CTNNA3: variants seen among roughly 807,000 people sequenced by gnomAD.
CTNNA3 encodes the protein catenin alpha 3.
In CTNNA3, 76 loss-of-function variants were observed where a neutral mutation model predicts 95.7. The ratio of observed to expected loss-of-function variants is 0.79; its 90% CI spans 0.66 to 0.96. CTNNA3 has a LOEUF of 0.96. Among genes scored for constraint, CTNNA3 ranks in the 40% least tolerant of loss-of-function variants. The probability of loss-of-function intolerance (pLI) is 0.00; values close to 1 mark genes in which losing one functional copy is unlikely to be tolerated. For missense variants in CTNNA3, 1,191 were observed against 1,089.8 expected, an observed-to-expected ratio of 1.09 and a Z score of -1.31; for synonymous variants, 431 against 374.4, an observed-to-expected ratio of 1.15 and a Z score of -1.74.
At chr10:67,626,704 C>T (rs1450304946) in intron 2 of CTNNA3, among the ~76,000 whole-genome samples, 1 of 152,048 alleles carries the variant, frequency 6.6e-6, no homozygotes, top group Non-Finnish European at 1.5e-5. Context: ...AATCTCTACT[C>T]TTTTTTGCAT....
At chr10:67,406,859 C>A (rs1302562279) in intron 5 of CTNNA3, among the ~76,000 whole-genome samples, 2 of 152,110 alleles carry the variant, frequency 1.3e-5, no homozygotes, top group Non-Finnish European at 2.9e-5. Flanking sequence ...CCTCCCAAGA[C>A]TGAACCAGAA....
At chr10:66,091,532 G>GA (rs946192179) in intron 14 of CTNNA3, among the ~76,000 whole-genome samples, 11 of 151,160 alleles carry the variant, frequency 7.3e-5, no homozygotes, top group Non-Finnish European at 1.5e-4. Flanking sequence ...TACATCATGG[G>GA]AAAAAAAAGA....
intron 11 of CTNNA3, among the ~76,000 whole-genome samples, chr10:66,409,736 T>A (rs1037348970): frequency 5.3e-5 from 8 of 152,178 alleles, no homozygotes; most frequent in Admixed American, 6.5e-5. Flanking sequence ...ACAGGATCGA[T>A]AATATTTTTA....
chr10:66,598,540 C>T (rs1402444265), intron 10 of CTNNA3, among the ~76,000 whole-genome samples: 1 of 151,912 alleles, frequency 6.6e-6, no homozygotes, highest in East Asian at 1.9e-4. Context: ...ACTGTTAGAA[C>T]TAATAGGCAA....
At chr10:65,956,122 T>G (rs12356608) in intron 17 of CTNNA3, among the ~76,000 whole-genome samples, 4,577 of 152,130 alleles carry the variant, frequency 0.03, 88 homozygotes, top group Middle Eastern at 0.092. Context: ...CTTGGGAGGG[T>G]GTATGTGTCC....
intron 7 of CTNNA3, among the ~76,000 whole-genome samples, chr10:66,976,175 AT>A (rs1564806769): frequency 6.6e-6 from 1 of 152,218 alleles, no homozygotes; most frequent in African/African-American, 2.4e-5. Context: ...TTTAAAAATA[AT>A]TTAAAGTAAC....
chr10:65,950,763 T>G lies in CTNNA3; in HGVS notation c.2400+15849A>C, dbSNP rs1589164016. 2.0e-5 allele frequency among the ~76,000 whole-genome samples: 3 copies of G among 152,364 alleles called. No homozygotes were observed. The East Asian group carries it at 5.8e-4, about 29-fold the overall frequency. On this transcript the variant is annotated intron_variant, in intron 17 of 17. Coordinates refer to ENST00000433211, the MANE Select transcript of CTNNA3 (RefSeq NM_013266.4). The stretch of plus-strand genomic sequence containing the variant: ...AAATTCCTTTTGAATAATATGGAAC[T>G]ATTTGACATATGAATAAGAATATAG...
intron 9 of CTNNA3, among the ~76,000 whole-genome samples, chr10:66,643,801 C>T (rs369933545): frequency 5.7e-4 from 87 of 152,230 alleles, no homozygotes; most frequent in African/African-American, 1.9e-3. Context: ...CTTCATTCTA[C>T]CTTTGTTAGG....
intron 7 of CTNNA3, among the ~76,000 whole-genome samples, chr10:66,973,887 G>T (rs1270027136): frequency 6.6e-6 from 1 of 152,160 alleles, no homozygotes; most frequent in Admixed American, 6.5e-5. Flanking sequence ...CTCCCAAAGT[G>T]CTGGGATTAC....
intron 11 of CTNNA3, among the ~76,000 whole-genome samples, chr10:66,502,784 A>G (rs967381848): frequency 6.6e-6 from 1 of 152,058 alleles, no homozygotes; most frequent in African/African-American, 2.4e-5. Flanking sequence ...TATGTGCACA[A>G]GTTTCTTCAA....
At chr10:67,242,318 A>C (rs539568517) in intron 5 of CTNNA3, among the ~76,000 whole-genome samples, 1 of 152,230 alleles carries the variant, frequency 6.6e-6, no homozygotes, top group South Asian at 2.1e-4. Flanking sequence ...GAATATTTCA[A>C]TCTAACTTTG....
chr10:66,095,589 C>T (rs531648208), intron 14 of CTNNA3, among the ~76,000 whole-genome samples: 2 of 151,974 alleles, frequency 1.3e-5, no homozygotes, highest in Admixed American at 6.6e-5. Context: ...GAGTAAACCA[C>T]TCATCCATGG....
At chr10:67,102,589 T>C (rs1274110544) in intron 7 of CTNNA3, among the ~76,000 whole-genome samples, 4 of 151,876 alleles carry the variant, frequency 2.6e-5, no homozygotes, top group Admixed American at 1.3e-4. Context: ...CTCTCATTTA[T>C]AAATTTTGTG....
At chr10:66,165,812 A>G (rs2085098523) in intron 13 of CTNNA3, among the ~76,000 whole-genome samples, 1 of 151,980 alleles carries the variant, frequency 6.6e-6, no homozygotes, top group Non-Finnish European at 1.5e-5. Context: ...TCTGTCTCCC[A>G]GGCTGGAGCG....
chr10:67,120,035 C>T (rs1859382167), intron 7 of CTNNA3, among the ~76,000 whole-genome samples: 1 of 151,844 alleles, frequency 6.6e-6, no homozygotes, highest in South Asian at 2.1e-4. Context: ...GTAAAACCAA[C>T]AAATCTGAAT....
intron 12 of CTNNA3, among the ~76,000 whole-genome samples, chr10:66,346,570 C>T (rs546776225): frequency 4.3e-4 from 66 of 152,120 alleles, no homozygotes; most frequent in Non-Finnish European, 7.8e-4. Context: ...AGCCACCGCA[C>T]CTGGCCAAAT....
intron 13 of CTNNA3, among the ~76,000 whole-genome samples, chr10:66,264,254 T>TCA (rs1564824867): frequency 6.6e-6 from 1 of 151,876 alleles, no homozygotes; most frequent in South Asian, 2.1e-4. Context: ...TAAGTTACTT[T>TCA]CACACACACA....
intron 7 of CTNNA3, among the ~76,000 whole-genome samples, chr10:67,074,097 G>A (rs948200407): frequency 7.0e-6 from 1 of 143,328 alleles, no homozygotes; most frequent in Non-Finnish European, 1.5e-5. Flanking sequence ...GTGCAGTGGC[G>A]CCATCTTGGC....
intron 7 of CTNNA3, among the ~76,000 whole-genome samples, chr10:67,027,595 C>A (rs531129916): frequency 1.5e-4 from 23 of 151,984 alleles, no homozygotes; most frequent in African/African-American, 5.3e-4. Flanking sequence ...CCACCATGCC[C>A]AGCTAACTTT....
Sources: allele counts gnomAD v4.1 joint callset (sites outside exome capture counted in the v4.1 genomes callset), GRCh38; gene constraint gnomAD v4.1.1; transcripts MANE v1.5; gene names NCBI Gene and HGNC (gene_info 2026-07-23, HGNC 2026-07-21).